The following RIN3 variants were observed in gnomAD, a reference collection of about 807,000 sequenced individuals.
RIN3 encodes the protein RAB5 interacting protein 3.
A neutral mutation model predicts 76.3 loss-of-function variants in RIN3; 54 were observed. That is an observed-to-expected ratio of 0.71 (90% confidence interval 0.57 to 0.89). The LOEUF is 0.89. Ranked by LOEUF, RIN3 falls within the 40% of genes least tolerant of loss-of-function variation. RIN3 has a pLI of 0.00. For synonymous variants in RIN3, 576 were observed against 564.0 expected (o/e 1.02, Z -0.30); for missense variants, 1,256 against 1,322.1 (o/e 0.95, Z 0.78).
At chr14:92,610,038 A>AT (rs1397442353) in intron 3 of RIN3, among the ~76,000 whole-genome samples, 1 of 151,810 alleles carries the variant, frequency 6.6e-6, no homozygotes, top group Admixed American at 6.6e-5. Flanking sequence ...AGAAAAAAAA[A>AT]TTTTAAGTAT....
intron 4 of RIN3, among the ~76,000 whole-genome samples, chr14:92,630,349 G>A (rs1308337347): frequency 2.6e-5 from 4 of 152,116 alleles, no homozygotes; most frequent in African/African-American, 4.8e-5. Context: ...AAAATTAGCC[G>A]GGTGTCGTGG....
At position 92,685,120 on chromosome 14, in the gene RIN3, C is replaced by T; in HGVS notation, c.2601C>T (p.Asn867=). ...IHRWERRRTL[N]KARASRSSVQ... is the part of the protein sequence containing the mutation. Reference sequence around the variant, plus strand: ...GCTGGGAGCGCCGGCGTACTCTCAACAAGGCCCGGGCCTCCCGCTCCTCCG... The same window carrying T: ...GCTGGGAGCGCCGGCGTACTCTCAATAAGGCCCGGGCCTCCCGCTCCTCCG... Residue 867 remains asparagine (N), a synonymous_variant, in exon 9 of 10, where the codon AAC becomes AAT. Coordinates refer to ENST00000216487, the MANE Select transcript of RIN3 (RefSeq NM_024832.5). This position sits in a 1 kb window ranked among gnomAD's most constrained non-coding sequence, Gnocchi z 4.7. The T allele has an allele frequency of 3.1e-6, 5 of 1,613,168 alleles. No individual in the cohort carries two copies. Among genetic ancestry groups the T allele is most frequent in the Non-Finnish European group, 3.4e-6 (4 of 1,179,668 alleles).
At chr14:92,549,683 T>G (rs2140028297) in intron 1 of RIN3, among the ~76,000 whole-genome samples, 1 of 152,194 alleles carries the variant, frequency 6.6e-6, no homozygotes, top group Middle Eastern at 3.4e-3. Flanking sequence ...AGCTGAGAGG[T>G]TGAGTCCTGC....
At chr14:92,559,167 C>A (rs1037281607) in intron 2 of RIN3, among the ~76,000 whole-genome samples, 1 of 152,038 alleles carries the variant, frequency 6.6e-6, no homozygotes, top group Admixed American at 6.6e-5. Flanking sequence ...GTGCCCGGCC[C>A]CCTTCTCTCT....
chr14:92,597,919 G>A (rs980632432), intron 3 of RIN3, among the ~76,000 whole-genome samples: 2 of 152,124 alleles, frequency 1.3e-5, no homozygotes, highest in Admixed American at 6.5e-5. Flanking sequence ...CATTCTATAT[G>A]AATTAATTTA....
rs1342014744 is a variant in RIN3, at chr14:92,622,632, T to A, written c.440+7153T>A. ...ACCCTGTTCCTGTGTCTTCCCCCTG[T>A]GGGCTGGGGTCAGACCGCACAATCT... On this transcript the variant is annotated intron_variant, in intron 4 of 9. Transcript: ENST00000216487. 2.6e-5 allele frequency among the ~76,000 whole-genome samples: 4 copies of A among 152,230 alleles called. No homozygotes were observed. In the East Asian group the frequency reaches 7.7e-4, roughly 29 times the overall value.
At position 92,513,967 on chromosome 14, in the gene RIN3, A is replaced by T. The variant is rs1896365591; in HGVS notation, c.35A>T (p.Asp12Val). The change falls in exon 1 of 10, where the codon GAC becomes GTC. Residue 12 changes from aspartate to valine, a missense_variant. This residue lies in a region of RIN3 where 610 missense variants were observed against 626.4 expected (regional missense o/e 0.97). Transcript: ENST00000216487. ...CACGCCGGGGCGCCCGCGCGCGGGG[A>T]CCCCACGGGGTAAGTCCGGGCGGCC... ...IRHAGAPARG[D>V]PTGPVPVVGK... 3 of 1,240,876 alleles carry T rather than the reference A, an allele frequency of 2.4e-6. No individual in the cohort carries two copies. The highest frequency in any genetic ancestry group is 3.0e-6 in the Non-Finnish European group (3 of 992,814). 76.9% of individuals were successfully genotyped at this position (1,240,876 alleles called of 1,614,324 possible).
chr14:92,638,240 G>A (rs748531059), intron 4 of RIN3, among the ~76,000 whole-genome samples: 10 of 152,166 alleles, frequency 6.6e-5, no homozygotes, highest in Non-Finnish European at 1.5e-4. Flanking sequence ...GGGGATGAGG[G>A]GCTATTCCCT....
At chr14:92,615,260 A>T in intron 3 of RIN3, 147 bp from the exon 4 acceptor site, 1 of 674,658 alleles carries the variant, frequency 1.5e-6, no homozygotes, top group Non-Finnish European at 2.7e-6. Context: ...CTGGCAGCTG[A>T]TGTGTATGGG....
intron 5 of RIN3, among the ~76,000 whole-genome samples, chr14:92,647,562 C>T (rs1218599991): frequency 2.0e-5 from 3 of 152,202 alleles, no homozygotes; most frequent in African/African-American, 7.2e-5. Flanking sequence ...AGATGATGAG[C>T]ATTTTCCTAG....
At chr14:92,657,640 G>C (rs1052518373) in intron 6 of RIN3, among the ~76,000 whole-genome samples, 4 of 149,898 alleles carry the variant, frequency 2.7e-5, no homozygotes, top group African/African-American at 9.7e-5. Context: ...AGAAGCCCAG[G>C]ACAGTGGGGA....
intron 1 of RIN3, among the ~76,000 whole-genome samples, chr14:92,544,097 C>T (rs762079634): frequency 6.6e-6 from 1 of 152,116 alleles, no homozygotes; most frequent in Non-Finnish European, 1.5e-5. Context: ...CTGTCCCATT[C>T]AACCCTCATG....
Position 92,577,348 on chromosome 14 carries a change from CT to C in RIN3, c.250-9del. On this transcript the variant is annotated splice_polypyrimidine_tract_variant and intron_variant, in intron 2 of 9. Transcript: ENST00000216487. The stretch of plus-strand genomic sequence containing the variant: ...TTAATTCACGGAGCTGCATCCCCTT[CT>C]TTGGTTTCAGATGTTCCTGGTTCGC... The C allele has an allele frequency of 6.3e-7, 1 of 1,599,466 alleles. No homozygotes were observed. Among genetic ancestry groups the C allele is most frequent in the Non-Finnish European group, 8.6e-7 (1 of 1,167,392 alleles).
chr14:92,629,710 C>A (rs542113053), intron 4 of RIN3, among the ~76,000 whole-genome samples: 101 of 152,340 alleles, frequency 6.6e-4, no homozygotes, highest in African/African-American at 2.2e-3. Context: ...TATAGCCATT[C>A]TCTTTTTAAA....
chr14:92,617,680 A>G (rs1886022671), intron 4 of RIN3, among the ~76,000 whole-genome samples: 1 of 152,182 alleles, frequency 6.6e-6, no homozygotes, highest in African/African-American at 2.4e-5. Context: ...AACCTCCTAA[A>G]ATCAAAGAGA....
intron 3 of RIN3, among the ~76,000 whole-genome samples, chr14:92,610,512 C>T (rs150513354): frequency 2.0e-5 from 3 of 152,176 alleles, no homozygotes; most frequent in Non-Finnish European, 2.9e-5. Context: ...CCTGCTCCTG[C>T]CCCGGCTGTA....
rs1167973130 is a variant in RIN3, at chr14:92,659,235, C to A, written c.2101C>A (p.Gln701Lys). 1 of 1,614,206 alleles carries A rather than the reference C, an allele frequency of 6.2e-7. No individual in the cohort carries two copies. Among genetic ancestry groups the A allele is most frequent in the Admixed American group, 1.7e-5 (1 of 60,024 alleles). ...GGAAGCCATCAACTCATGCCTGCAT[C>A]AGATCCACAGCAAGGATGGTTCGCT... The part of the protein sequence containing the change: ...LKEAINSCLH[Q>K]IHSKDGSLQQ... Residue 701 changes from glutamine to lysine, a missense_variant, in exon 7 of 10, where the codon CAG (glutamine) becomes AAG (lysine). Coordinates refer to ENST00000216487, the MANE Select transcript of RIN3 (RefSeq NM_024832.5).
chr14:92,633,856 G>GGT (rs33912278), intron 4 of RIN3, among the ~76,000 whole-genome samples: 54,849 of 146,704 alleles, frequency 0.37, 10,616 homozygotes, highest in African/African-American at 0.52. Context: ...TTGTTTTAGT[G>GGT]GTGTGTGTGT....
chr14:92,654,090 G>T (rs1036213711), intron 6 of RIN3, among the ~76,000 whole-genome samples: 1 of 151,954 alleles, frequency 6.6e-6, no homozygotes, highest in Non-Finnish European at 1.5e-5. Flanking sequence ...GAGGTGGGGG[G>T]ATCACTTGAG....
Sources: allele counts gnomAD v4.1 joint callset (sites outside exome capture counted in the v4.1 genomes callset), GRCh38; gene constraint gnomAD v4.1.1; regional missense constraint gnomAD v4.1.1; non-coding constraint Gnocchi (gnomAD v3.1); transcripts MANE v1.5; gene names NCBI Gene and HGNC (gene_info 2026-07-23, HGNC 2026-07-21).